ZNF791: variants seen among roughly 807,000 people sequenced by gnomAD.
The protein encoded by ZNF791 is zinc finger protein 791.
Under a neutral mutation model 11.5 loss-of-function variants are expected in ZNF791, and 4 were observed. The observed-to-expected ratio is 0.35, with a 90% CI of 0.17 to 0.80. ZNF791 has a LOEUF of 0.80. Among genes scored for constraint, ZNF791 ranks in the 30% least tolerant of loss-of-function variants. The pLI is 0.53. For missense variants in ZNF791, 559 were observed against 699.4 expected, an observed-to-expected ratio of 0.80 and a Z score of 2.26; for synonymous variants, 212 against 228.1, an observed-to-expected ratio of 0.93 and a Z score of 0.64.
In ZNF791 at chr19:12,624,639, C is replaced by A. The variant is rs2023400469; in HGVS notation, c.131-11C>A. 1 of 1,590,986 alleles carries A rather than the reference C, an allele frequency of 6.3e-7. No homozygotes were observed. The highest frequency in any genetic ancestry group is 8.6e-7 in the Non-Finnish European group (1 of 1,166,422). ...ATAATTTATCATGATTATTCTTGAT[C>A]TACATTTTAGGGGAAAAATGGGAAG... On this transcript the variant is annotated splice_polypyrimidine_tract_variant and intron_variant, in intron 2 of 3. Coordinates refer to ENST00000343325, the MANE Select transcript of ZNF791 (RefSeq NM_153358.3).
At position 12,624,725 on chromosome 19, in the gene ZNF791, C is replaced by T. The variant is rs775585876; in HGVS notation, c.191+15C>T. 1.3e-6 allele frequency: 2 copies of T among 1,593,348 alleles called. No individual in the cohort carries two copies. Among genetic ancestry groups the T allele is most frequent in the Admixed American group, 1.7e-5 (1 of 58,552 alleles). On this transcript the variant is annotated intron_variant, in intron 3 of 3. Transcript: ENST00000343325. Reference sequence around the variant, plus strand: ...CGAAATCTAAGGTGAGTTGCACTCACAAGAAGTAACAGTGTTCCTTGAAAG... The same window carrying T: ...CGAAATCTAAGGTGAGTTGCACTCATAAGAAGTAACAGTGTTCCTTGAAAG...
chr19:12,625,734 C>T (rs1350050298), intron 3 of ZNF791, among the ~76,000 whole-genome samples: 1 of 144,536 alleles, frequency 6.9e-6, no homozygotes, highest in African/African-American at 2.5e-5. Flanking sequence ...GCAGTGAGCC[C>T]AGATCGCACC....
chr19:12,622,411 C>CAAAAAAAAA (rs370413296), intron 1 of ZNF791, among the ~76,000 whole-genome samples: 4 of 79,596 alleles, frequency 5.0e-5, no homozygotes, highest in African/African-American at 1.1e-4. Flanking sequence ...CTGTCTCAAA[C>CAAAAAAAAA]AAAAAAAAAA....
chr19:12,629,116 T>TG lies in ZNF791; in HGVS notation c.1590dup (p.Lys531GlufsTer4). The TG allele has an allele frequency of 6.2e-7, 1 of 1,605,782 alleles. No individual in the cohort carries two copies. The highest frequency in any genetic ancestry group is 8.5e-7 in the Non-Finnish European group (1 of 1,176,722). ...AGAAACCCTATAAATGTAAAGAATG[T>TG]GGGAAGGCCTTTAGTCTTCACAGTT... On this transcript the variant is annotated frameshift_variant, in exon 4 of 4. Coordinates refer to ENST00000343325, the MANE Select transcript of ZNF791 (RefSeq NM_153358.3). LOFTEE classifies it low-confidence loss of function (END_TRUNC).
intron 3 of ZNF791, among the ~76,000 whole-genome samples, chr19:12,626,901 G>T (rs553014586): frequency 2.6e-5 from 4 of 152,092 alleles, no homozygotes; most frequent in South Asian, 2.1e-4. Flanking sequence ...CACTGTGCCC[G>T]CCCAGAAACA....
chr19:12,632,849 A>C lies in ZNF791; in HGVS notation c.*3589A>C, dbSNP rs1164004775. On this transcript the variant is annotated 3_prime_UTR_variant, in exon 4 of 4. Transcript: ENST00000343325. Reference sequence around the variant, plus strand: ...AGTGGCTCACACCTGTAATCCCAGCACTTTGGGAGGCCGAGGTGGGCGGAT... The same window carrying C: ...AGTGGCTCACACCTGTAATCCCAGCCCTTTGGGAGGCCGAGGTGGGCGGAT... 1.3e-5 allele frequency: 2 copies of C among 152,096 alleles called. No homozygotes were observed. Among genetic ancestry groups the C allele is most frequent in the Non-Finnish European group, 2.9e-5 (2 of 68,038 alleles). 9.4% of individuals were successfully genotyped at this position (152,096 alleles called of 1,614,324 possible). A position where few individuals can be genotyped will look rare whatever the true frequency, so the allele number is the denominator to read the frequency against.
Position 12,624,706 on chromosome 19 carries a change from C to T in ZNF791, c.187C>T (p.Leu63=). 6.2e-7 allele frequency: 1 copy of T among 1,605,942 alleles called. No homozygotes were observed. Among genetic ancestry groups the T allele is most frequent in the South Asian group, 1.1e-5 (1 of 89,406 alleles). ...EDQHKNQGRN[L]RSHTGERLCE... is the part of the protein sequence containing the mutation. ...TCAACACAAAAACCAAGGACGAAAT[C>T]TAAGGTGAGTTGCACTCACAAGAAG... Residue 63 remains leucine, a synonymous_variant, in exon 3 of 4, where the codon CTA becomes TTA. Transcript: ENST00000343325.
chr19:12,625,668 C>T (rs1023776586), intron 3 of ZNF791, among the ~76,000 whole-genome samples: 1 of 149,690 alleles, frequency 6.7e-6, no homozygotes, highest in African/African-American at 2.5e-5. Flanking sequence ...ACCTGTCATC[C>T]CAGCTACTCA....
At chr19:12,612,082 T>C (rs2023166243) in intron 1 of ZNF791, 2 of 483,072 alleles carry the variant, frequency 4.1e-6, no homozygotes, top group Non-Finnish European at 5.4e-6. Flanking sequence ...TCTGTTCTTT[T>C]AGTTTGATGT....
At position 12,628,662 on chromosome 19, in the gene ZNF791, A is replaced by G; in HGVS notation, c.1133A>G (p.His378Arg). ...TACTTTCGAATACATGAAAGGACTC[A>G]CACTGGAGAGAAACCCTACGAATGT... ...ISYFRIHERT[H>R]TGEKPYECKK... is the part of the protein sequence containing the mutation. The change falls in exon 4 of 4, where the codon CAC (histidine) becomes CGC (arginine). Residue 378 changes from histidine to arginine, a missense_variant. Coordinates refer to ENST00000343325, the MANE Select transcript of ZNF791 (RefSeq NM_153358.3). 1 of 1,606,074 alleles carries G rather than the reference A, an allele frequency of 6.2e-7. No individual in the cohort carries two copies.
intron 1 of ZNF791, among the ~76,000 whole-genome samples, chr19:12,618,808 AGTGTGTGTGT>A (rs60468264): frequency 0.04 from 5,666 of 143,398 alleles, 207 homozygotes; most frequent in African/African-American, 0.092. Context: ...TTTACCTCTC[AGTGTGTGTGT>A]GTGTGTGTGT....
intron 1 of ZNF791, chr19:12,612,205 T>C: frequency 2.4e-6 from 2 of 824,206 alleles, no homozygotes; most frequent in Non-Finnish European, 1.5e-6. Context: ...ATTATTATTT[T>C]CTTTTTTTTT....
At chr19:12,623,052 G>A (rs2023378225) in intron 1 of ZNF791, among the ~76,000 whole-genome samples, 2 of 152,118 alleles carry the variant, frequency 1.3e-5, no homozygotes, top group South Asian at 4.1e-4. Context: ...TTGAGCCTAG[G>A]TGACAGAGCA....
At chr19:12,619,215 T>C (rs997018819) in intron 1 of ZNF791, among the ~76,000 whole-genome samples, 3 of 152,154 alleles carry the variant, frequency 2.0e-5, no homozygotes, top group African/African-American at 4.8e-5. Context: ...TTGTGGTGTT[T>C]AGACTTTTTC....
chr19:12,622,374 T>A (rs945338142), intron 1 of ZNF791, among the ~76,000 whole-genome samples: 1 of 31,632 alleles, frequency 3.2e-5, no homozygotes, highest in Non-Finnish European at 6.8e-5. Flanking sequence ...AAAAAAATAA[T>A]AAATAAAAAA....
Position 12,629,465 on chromosome 19 carries a change from T to C in ZNF791, c.*205T>C, listed in dbSNP as rs557491858. On this transcript the variant is annotated 3_prime_UTR_variant, in exon 4 of 4. Transcript: ENST00000343325. ...ATATAGGTTGGTAGCCCCATAAGAT[T>C]ATATAACACCTAAAACATTTCTATC... 1 of 413,540 alleles carries C rather than the reference T, an allele frequency of 2.4e-6. No individual in the cohort carries two copies. The highest frequency in any genetic ancestry group is 2.0e-5 in the African/African-American group (1 of 48,968). 25.6% of individuals were successfully genotyped at this position (413,540 alleles called of 1,614,324 possible). A position where few individuals can be genotyped will look rare whatever the true frequency, so the allele number is the denominator to read the frequency against.
At chr19:12,625,930 T>TGCCTCCCAGGTTC (rs1193770068) in intron 3 of ZNF791, among the ~76,000 whole-genome samples, 1 of 151,186 alleles carries the variant, frequency 6.6e-6, no homozygotes, top group Non-Finnish European at 1.5e-5. Flanking sequence ...CTGCAACCTC[T>TGCCTCCCAGGTTC]AACCCCTGGG....
chr19:12,629,282 T>C lies in ZNF791; in HGVS notation c.*22T>C, dbSNP rs555681299. 2.1e-6 allele frequency: 3 copies of C among 1,414,134 alleles called. No homozygotes were observed. The African/African-American group carries it at 4.3e-5, about 20-fold the overall frequency. The allele number at this position is 1,414,134 out of a possible 1,614,324, so 87.6% of individuals were successfully genotyped here. On this transcript the variant is annotated 3_prime_UTR_variant, in exon 4 of 4. Coordinates refer to ENST00000343325, the MANE Select transcript of ZNF791 (RefSeq NM_153358.3). Reference sequence around the variant, plus strand: ...ATAGAAACTCTATAAATGTGAGAAATAGGAGAAAGTTTTCAATTCTAACAG... The same window carrying C: ...ATAGAAACTCTATAAATGTGAGAAACAGGAGAAAGTTTTCAATTCTAACAG...
In ZNF791 at chr19:12,632,446, C is replaced by T. The variant is rs1409800347; in HGVS notation, c.*3186C>T. The T allele has an allele frequency of 6.6e-6, 1 of 151,966 alleles. No homozygotes were observed. The highest frequency in any genetic ancestry group is 1.5e-5 in the Non-Finnish European group (1 of 67,996). The allele number at this position is 151,966 out of a possible 1,614,324, so 9.4% of individuals were successfully genotyped here. Reference sequence around the variant, plus strand: ...CATGTGGAAGGTGGTGCATATATTACCCATTATATATTTATTTCACCTTTT... The same window carrying T: ...CATGTGGAAGGTGGTGCATATATTATCCATTATATATTTATTTCACCTTTT... On this transcript the variant is annotated 3_prime_UTR_variant, in exon 4 of 4. Coordinates refer to ENST00000343325, the MANE Select transcript of ZNF791 (RefSeq NM_153358.3).
Sources: gnomAD v4.1 joint callset for allele counts (sites outside exome capture counted in the v4.1 genomes callset) on GRCh38, gnomAD v4.1.1 for gene constraint, MANE v1.5 for transcripts, NCBI Gene and HGNC (gene_info 2026-07-23, HGNC 2026-07-21) for gene names.